LPCAT1: variants seen among roughly 807,000 people sequenced by gnomAD.
LPCAT1 encodes the protein lysophosphatidylcholine acyltransferase 1, also known as 1-acylglycerol-3-phosphate O-acyltransferase.
LPCAT1 carries 23 observed loss-of-function variants against 60.9 expected under a neutral mutation model. The ratio of observed to expected loss-of-function variants is 0.38; its 90% CI spans 0.27 to 0.53. The LOEUF (loss-of-function observed/expected upper bound fraction) is 0.53. LPCAT1 is among the 20% of genes least tolerant of loss of function. The pLI is 0.82. For synonymous variants in LPCAT1, 340 were observed against 301.1 expected (o/e 1.13, Z -1.34); for missense variants, 622 against 723.6 (o/e 0.86, Z 1.61).
rs781246683 is a variant in LPCAT1 at position 1,473,935 on chromosome 5, C to T, written c.1179+22G>A. 1.5e-5 allele frequency: 24 copies of T among 1,604,796 alleles called. No individual in the cohort carries two copies. The East Asian group carries it at 4.9e-4, about 33-fold the overall frequency. On this transcript the variant is annotated intron_variant, in intron 11 of 13. Transcript: ENST00000283415. Reference sequence around the variant, plus strand: ...AGCAGGAGGTTTTGCCGACACCCCGCTCCGCAGGCGACAGGCCCTACCTCG... The same window carrying T: ...AGCAGGAGGTTTTGCCGACACCCCGTTCCGCAGGCGACAGGCCCTACCTCG...
At position 1,523,654 on chromosome 5, in the gene LPCAT1, CCCAGCATCCCTGGCGT is replaced by C; in HGVS notation, c.135+40_135+55del. On this transcript the variant is annotated intron_variant, in intron 1 of 13. Coordinates refer to ENST00000283415, the MANE Select transcript of LPCAT1 (RefSeq NM_024830.5). The surrounding 1 kb of genome is among the most constrained non-coding windows in gnomAD (Gnocchi z 7.1). ...CCCTCCTCGGCCGCGCCTCCCTGGC[CCCAGCATCCCTGGCGT>C]CCGCGCCGGCTCCCGGGGCCGCGCG... The C allele has an allele frequency of 9.5e-7, 1 of 1,051,106 alleles. No homozygotes were observed. The highest frequency in any genetic ancestry group is 1.1e-6 in the Non-Finnish European group (1 of 872,506). The allele number at this position is 1,051,106 out of a possible 1,614,324, so 65.1% of individuals were successfully genotyped here.
chr5:1,513,402 AC>A (rs927764175), intron 1 of LPCAT1, among the ~76,000 whole-genome samples: 47 of 152,032 alleles, frequency 3.1e-4, no homozygotes, highest in African/African-American at 1.1e-3. Context: ...CTGCCTGGTG[AC>A]CCCGAGGGCT....
At chr5:1,498,624 T>G (rs1352000394) in intron 2 of LPCAT1, among the ~76,000 whole-genome samples, 1 of 151,546 alleles carries the variant, frequency 6.6e-6, no homozygotes, top group East Asian at 1.9e-4. Context: ...ACACGTACAC[T>G]TGCACATATA....
rs1736385478 is a variant in LPCAT1 at position 1,512,430 on chromosome 5, A to G, written c.136-10827T>C. On this transcript the variant is annotated intron_variant, in intron 1 of 13. Coordinates refer to ENST00000283415, the MANE Select transcript of LPCAT1 (RefSeq NM_024830.5). ...ACTATCCCTGAAGCACCCAGTGTCC[A>G]TGCTTCCCGTAGAATCAAGGGCCAT... Among the ~76,000 whole-genome samples the G allele has an allele frequency of 2.6e-5, 4 of 152,238 alleles. No homozygotes were observed. In the South Asian group the frequency reaches 8.3e-4, roughly 31 times the overall value.
chr5:1,467,913 ACGGGGC>A (rs1734496588), intron 12 of LPCAT1, among the ~76,000 whole-genome samples: 1 of 151,992 alleles, frequency 6.6e-6, no homozygotes, highest in Admixed American at 6.5e-5. Flanking sequence ...TGGGGCTCCG[ACGGGGC>A]CGTCGCCCTG....
intron 12 of LPCAT1, among the ~76,000 whole-genome samples, chr5:1,467,920 C>CAGAA (rs1468795033): frequency 6.6e-6 from 1 of 152,136 alleles, no homozygotes; most frequent in East Asian, 1.9e-4. Context: ...CCGACGGGGC[C>CAGAA]GTCGCCCTGA....
intron 5 of LPCAT1, among the ~76,000 whole-genome samples, chr5:1,486,641 C>A (rs1041767374): frequency 6.6e-6 from 1 of 152,160 alleles, no homozygotes; most frequent in Admixed American, 6.5e-5. Flanking sequence ...ACGCTCACGG[C>A]TCTGGAGGGC....
rs555851351 is a variant in LPCAT1, at chr5:1,481,151, C to T, written c.727-175G>A. 3.3e-5 allele frequency among the ~76,000 whole-genome samples: 5 copies of T among 152,250 alleles called. No individual in the cohort carries two copies. Among genetic ancestry groups the T allele is most frequent in the African/African-American group, 1.2e-4 (5 of 41,546 alleles). Reference sequence around the variant, plus strand: ...TCCCAGAGTCCCTGAGGATCCAGGACTCGGACCAGCCCCCCAGCCTGAGGT... The same window carrying T: ...TCCCAGAGTCCCTGAGGATCCAGGATTCGGACCAGCCCCCCAGCCTGAGGT... On this transcript the variant is annotated intron_variant, in intron 6 of 13. Transcript: ENST00000283415. This position sits in a 1 kb window ranked among gnomAD's most constrained non-coding sequence, Gnocchi z 7.8.
chr5:1,506,323 C>T (rs972571310), intron 1 of LPCAT1, among the ~76,000 whole-genome samples: 1 of 152,342 alleles, frequency 6.6e-6, no homozygotes, highest in African/African-American at 2.4e-5. Flanking sequence ...CTCTGCCAGG[C>T]TCGGCCCGCC....
intron 1 of LPCAT1, among the ~76,000 whole-genome samples, chr5:1,512,113 C>T (rs1434856442): frequency 6.6e-6 from 1 of 152,216 alleles, no homozygotes; most frequent in Non-Finnish European, 1.5e-5. Flanking sequence ...TAGAGCCCTG[C>T]TCATTCGCCA....
At chr5:1,491,285 C>A (rs1382621149) in intron 3 of LPCAT1, among the ~76,000 whole-genome samples, 1 of 99,690 alleles carries the variant, frequency 1.0e-5, no homozygotes, top group Non-Finnish European at 2.5e-5. Context: ...GCCCTGATTG[C>A]GTGGTCTTTC....
Position 1,476,548 on chromosome 5 carries a change from C to A in LPCAT1, c.899+856G>T, listed in dbSNP as rs766612525. On this transcript the variant is annotated intron_variant, in intron 9 of 13. Coordinates refer to ENST00000283415, the MANE Select transcript of LPCAT1 (RefSeq NM_024830.5). The surrounding 1 kb of genome is among the most constrained non-coding windows in gnomAD (Gnocchi z 8.6). ...CTGGAGAGGCGAGTTCCCAGCCATG[C>A]CCCGACCTGCTGCAGCAGGAGCCTG... Among the ~76,000 whole-genome samples the A allele has an allele frequency of 6.6e-6, 1 of 152,112 alleles. No homozygotes were observed. The highest frequency in any genetic ancestry group is 2.4e-5 in the African/African-American group (1 of 41,402).
In LPCAT1 at chr5:1,487,137, C is replaced by A. The variant is rs536342032; in HGVS notation, c.667+1254G>T. On this transcript the variant is annotated intron_variant, in intron 5 of 13. Coordinates refer to ENST00000283415, the MANE Select transcript of LPCAT1 (RefSeq NM_024830.5). The surrounding 1 kb of genome is among the most constrained non-coding windows in gnomAD (Gnocchi z 6.1). Reference sequence around the variant, plus strand: ...CCTTGAAGACAGGGCCCAGCAGTGACCCCAGCCCCACACCTTGTCAAGGAA... The same window carrying A: ...CCTTGAAGACAGGGCCCAGCAGTGAACCCAGCCCCACACCTTGTCAAGGAA... 6.6e-6 allele frequency among the ~76,000 whole-genome samples: 1 copy of A among 152,352 alleles called. No homozygotes were observed. The highest frequency in any genetic ancestry group is 2.4e-5 in the African/African-American group (1 of 41,588).
intron 1 of LPCAT1, among the ~76,000 whole-genome samples, chr5:1,511,681 AAC>A (rs1736361548): frequency 1.3e-5 from 2 of 152,194 alleles, no homozygotes; most frequent in Non-Finnish European, 2.9e-5. Context: ...TCCTCTCTTG[AAC>A]ACAGAGCTGC....
intron 8 of LPCAT1, 76 bp downstream of exon 8, chr5:1,479,545 C>T (rs1412552200): frequency 5.6e-6 from 6 of 1,065,456 alleles, no homozygotes; most frequent in Non-Finnish European, 8.8e-6. Context: ...CAAGGCTTAT[C>T]TGGGCATCCT....
At chr5:1,508,743 C>T (rs1474105141) in intron 1 of LPCAT1, among the ~76,000 whole-genome samples, 1 of 152,228 alleles carries the variant, frequency 6.6e-6, no homozygotes, top group African/African-American at 2.4e-5. Context: ...GTAAACAAGG[C>T]CATCCAAATG....
chr5:1,480,133 C>T lies in LPCAT1; in HGVS notation c.762-458G>A, dbSNP rs1447888657. Among the ~76,000 whole-genome samples the T allele has an allele frequency of 1.3e-5, 2 of 151,868 alleles. No homozygotes were observed. Among genetic ancestry groups the T allele is most frequent in the South Asian group, 2.1e-4 (1 of 4,810 alleles). On this transcript the variant is annotated intron_variant, in intron 7 of 13. Coordinates refer to ENST00000283415, the MANE Select transcript of LPCAT1 (RefSeq NM_024830.5). This position sits in a 1 kb window ranked among gnomAD's most constrained non-coding sequence, Gnocchi z 6.4. ...ACATTTGGAGCTGCTCCCAGGGCCA[C>T]ACTCACGCCTCCGACAGCCCAGTGC...
Position 1,470,875 on chromosome 5 carries a change from A to G in LPCAT1, c.1229T>C (p.Val410Ala), listed in dbSNP as rs768278241. Residue 410 changes from valine to alanine, a missense_variant, in exon 12 of 14, where the codon GTC (valine) becomes GCC (alanine). Transcript: ENST00000283415. Reference protein sequence around the residue: ...DLRECVVALSVVCRPARTLDT... With the variant: ...DLRECVVALSAVCRPARTLDT... ...CAGGGTCCGGGCCGGCCGGCAGACG[A>G]CAGACAGGGCAACCACACACTCTCG... 4 of 1,613,564 alleles carry G rather than the reference A, an allele frequency of 2.5e-6. No homozygotes were observed. The East Asian group carries it at 8.9e-5, about 36-fold the overall frequency.
intron 12 of LPCAT1, among the ~76,000 whole-genome samples, chr5:1,467,485 C>T (rs564965247): frequency 1.3e-5 from 2 of 152,262 alleles, no homozygotes; most frequent in Non-Finnish European, 2.9e-5. Flanking sequence ...CCTCCTGCTC[C>T]AGGTGTGGAA....
Sources: allele counts gnomAD v4.1 joint callset (sites outside exome capture counted in the v4.1 genomes callset), GRCh38; gene constraint gnomAD v4.1.1; non-coding constraint Gnocchi (gnomAD v3.1); transcripts MANE v1.5; gene names NCBI Gene and HGNC (gene_info 2026-07-23, HGNC 2026-07-21).